PCDH11X: variants seen among roughly 807,000 people sequenced by gnomAD.
The protein encoded by PCDH11X is protocadherin-11 X-linked.
A neutral mutation model predicts 53.3 loss-of-function variants in PCDH11X; 18 were observed. The observed-to-expected ratio is 0.34, with a 90% CI of 0.23 to 0.50. The LOEUF is 0.50. PCDH11X is among the 20% of genes least tolerant of loss of function. The pLI is 0.98. For synonymous variants in PCDH11X, 279 were observed against 393.3 expected, an observed-to-expected ratio of 0.71 and a Z score of 3.44; for missense variants, 570 against 1,032.4, an observed-to-expected ratio of 0.55 and a Z score of 6.14.
chrX:92,097,492 C>T (rs1180749163), intron 6 of PCDH11X, among the ~76,000 whole-genome samples: 5 of 109,918 alleles, frequency 4.5e-5, no homozygotes, highest in South Asian at 7.7e-4. Flanking sequence ...TCCCCCAACA[C>T]GAATATATTT....
At position 92,403,338 on chromosome X, in the gene PCDH11X, TG is replaced by T. The variant is rs766778147; in HGVS notation, c.3343+15406del. Reference sequence around the variant, plus strand: ...GTGTCCGGGCATTTACGTTTTTTTTTGTTTTTTTTTTTTTTTTTTTTTGTAG... The same window carrying T: ...GTGTCCGGGCATTTACGTTTTTTTTTTTTTTTTTTTTTTTTTTTTTTGTAG... On this transcript the variant is annotated intron_variant, in intron 9 of 10. Transcript: ENST00000682573. Among the ~76,000 whole-genome samples the T allele has an allele frequency of 8.5e-3, 617 of 72,510 alleles. 55 individuals carry two copies. The highest frequency in any genetic ancestry group is 0.037 in the African/African-American group (524 of 14,108). The allele number at this position is 72,510 out of a possible 115,157, so 63.0% of individuals were successfully genotyped here. A position where few individuals can be genotyped will look rare whatever the true frequency, so the allele number is the denominator to read the frequency against.
At chrX:92,471,431 A>T (rs2073260085) in intron 10 of PCDH11X, among the ~76,000 whole-genome samples, 1 of 101,943 alleles carries the variant, frequency 9.8e-6, no homozygotes, top group African/African-American at 3.6e-5. Flanking sequence ...TTCCTGCAAA[A>T]GACATAATCT....
chrX:92,502,383 A>G (rs2073976294), intron 10 of PCDH11X, among the ~76,000 whole-genome samples: 1 of 109,999 alleles, frequency 9.1e-6, no homozygotes, highest in Non-Finnish European at 1.9e-5. Flanking sequence ...TTTAAAATTC[A>G]TATCGAACTA....
At chrX:92,156,291 C>T (rs190383325) in intron 6 of PCDH11X, among the ~76,000 whole-genome samples, 1 of 109,881 alleles carries the variant, frequency 9.1e-6, no homozygotes, top group East Asian at 2.9e-4. Flanking sequence ...CTTGAAGCTG[C>T]TGGGTGTGCT....
At chrX:92,308,263 T>C (rs551694352) in intron 8 of PCDH11X, among the ~76,000 whole-genome samples, 1 of 111,550 alleles carries the variant, frequency 9.0e-6, no homozygotes, top group African/African-American at 3.2e-5. Flanking sequence ...TACAAAGCCA[T>C]AGTGATCAAA....
chrX:92,484,985 A>ACC (rs2073612044), intron 10 of PCDH11X, among the ~76,000 whole-genome samples: 1 of 110,842 alleles, frequency 9.0e-6, no homozygotes, highest in African/African-American at 3.3e-5. Context: ...TAAATTTTTG[A>ACC]AATTGTTTCT....
chrX:92,355,523 G>A (rs1315998830), intron 8 of PCDH11X, among the ~76,000 whole-genome samples: 1 of 103,389 alleles, frequency 9.7e-6, no homozygotes, highest in East Asian at 3.1e-4. Context: ...ACATCTGAAG[G>A]TTACAAATAA....
chrX:91,904,355 T>C (rs1233554201), intron 6 of PCDH11X, among the ~76,000 whole-genome samples: 1 of 109,533 alleles, frequency 9.1e-6, no homozygotes, highest in African/African-American at 3.3e-5. Flanking sequence ...ATATTTACAT[T>C]TCATCATCAC....
At chrX:92,402,404 C>A (rs1569481212) in intron 9 of PCDH11X, among the ~76,000 whole-genome samples, 1 of 111,415 alleles carries the variant, frequency 9.0e-6, no homozygotes, top group Non-Finnish European at 1.9e-5. Flanking sequence ...GATCCAGTAA[C>A]CAAAACAACA....
At chrX:92,124,498 T>A (rs2064826724) in intron 6 of PCDH11X, among the ~76,000 whole-genome samples, 1 of 106,241 alleles carries the variant, frequency 9.4e-6, no homozygotes, top group Non-Finnish European at 1.9e-5. Context: ...TGAGGTGAGA[T>A]CGCACCACTG....
chrX:92,372,982 T>G (rs2070661031), intron 8 of PCDH11X, among the ~76,000 whole-genome samples: 1 of 111,492 alleles, frequency 9.0e-6, no homozygotes, highest in South Asian at 3.8e-4. Context: ...TTTTCAAATG[T>G]TTTAAAATAA....
intron 8 of PCDH11X, among the ~76,000 whole-genome samples, chrX:92,317,231 A>T (rs6615365): frequency 0.13 from 11,920 of 92,597 alleles, 1,402 homozygotes; most frequent in East Asian, 0.7. Context: ...ACATACTGAT[A>T]GACCAAAATA....
At chrX:92,542,997 A>G (rs1308469458) in intron 10 of PCDH11X, among the ~76,000 whole-genome samples, 1 of 111,679 alleles carries the variant, frequency 9.0e-6, no homozygotes, top group Admixed American at 9.5e-5. Flanking sequence ...AAAATTCTTT[A>G]GCCTACAATT....
intron 6 of PCDH11X, among the ~76,000 whole-genome samples, chrX:92,095,363 G>A (rs1301585329): frequency 9.0e-6 from 1 of 110,779 alleles, no homozygotes; most frequent in Non-Finnish European, 1.9e-5. Flanking sequence ...CTTTTCAAAT[G>A]TTCTTCACAA....
intron 6 of PCDH11X, among the ~76,000 whole-genome samples, chrX:91,967,641 C>T (rs903267250): frequency 4.5e-5 from 5 of 110,007 alleles, no homozygotes; most frequent in African/African-American, 1.3e-4. Context: ...GAAATATTTC[C>T]TTGTTTCCAA....
At chrX:92,248,772 T>A (rs73530414) in intron 7 of PCDH11X, among the ~76,000 whole-genome samples, 1,582 of 111,236 alleles carry the variant, frequency 0.014, 26 homozygotes, top group African/African-American at 0.049. Flanking sequence ...CTCCGCCTCC[T>A]GGGTTCAAGC....
chrX:92,270,421 A>G (rs148066725), intron 8 of PCDH11X, among the ~76,000 whole-genome samples: 7,846 of 111,790 alleles, frequency 0.07, 475 homozygotes, highest in East Asian at 0.28. Context: ...AACTGTGTCC[A>G]GCCAAACCAC....
rs780121656 is a variant in PCDH11X, at chrX:92,349,019, G to T, written c.3145-38716G>T. The stretch of plus-strand genomic sequence containing the variant: ...AGTGCATAATTGTAGCTCTGTGCAC[G>T]TGACTATAGCTGGTAGAGCTCATAG... On this transcript the variant is annotated intron_variant, in intron 8 of 10. Transcript: ENST00000682573. 9.2e-3 allele frequency among the ~76,000 whole-genome samples: 833 copies of T among 90,173 alleles called. 13 individuals are homozygous for T. Among genetic ancestry groups the T allele is most frequent in the African/African-American group, 0.034 (803 of 23,967 alleles). 78.3% of individuals were successfully genotyped at this position (90,173 alleles called of 115,157 possible).
intron 6 of PCDH11X, chrX:92,114,173 C>A (rs966866643): frequency 1.4e-5 from 16 of 1,158,974 alleles, no homozygotes; most frequent in Non-Finnish European, 1.6e-5. Flanking sequence ...GCTTTTAGAT[C>A]TAATGCAATC....
Sources: gnomAD v4.1 joint callset for allele counts (sites outside exome capture counted in the v4.1 genomes callset) on GRCh38, gnomAD v4.1.1 for gene constraint, MANE v1.5 for transcripts, NCBI Gene and HGNC (gene_info 2026-07-23, HGNC 2026-07-21) for gene names.